Variants in SMIM35 observed in about 807,000 individuals in gnomAD.
SMIM35 encodes small integral membrane protein 35, also known as TMPRSS4 antisense RNA 1 (non-protein coding).
intron 1 of SMIM35, among the ~76,000 whole-genome samples, chr11:118,018,684 C>G (rs185876620): frequency 1.0e-3 from 157 of 152,286 alleles, no homozygotes; most frequent in Non-Finnish European, 1.9e-3. Context: ...AGGGAAATCA[C>G]AGGCCTTCCA....
At position 118,026,013 on chromosome 11, in the gene SMIM35, T is replaced by A. The variant is rs117316406; in HGVS notation, c.8-10204A>T. On this transcript the variant is annotated intron_variant, in intron 1 of 4. Coordinates refer to ENST00000689828, the MANE Select transcript of SMIM35 (RefSeq NM_001394165.1). ...TCCAGTTTCAATCTTCTGCATAGGGTTAGCCAGCTATCCCAGCACCATTTT... is the reference window on the plus strand; with the variant it reads ...TCCAGTTTCAATCTTCTGCATAGGGATAGCCAGCTATCCCAGCACCATTTT... Among the ~76,000 whole-genome samples the A allele has an allele frequency of 4.3e-4, 66 of 152,300 alleles. No homozygotes were observed. The East Asian group carries it at 0.012, about 27-fold the overall frequency.
At chr11:118,053,163 C>T (rs917542723) in intron 1 of SMIM35, among the ~76,000 whole-genome samples, 3 of 152,142 alleles carry the variant, frequency 2.0e-5, no homozygotes, top group Non-Finnish European at 2.9e-5. Context: ...AAAATTTAGC[C>T]AGGCGTGTTG....
At chr11:118,017,809 T>C (rs1205268142) in intron 1 of SMIM35, among the ~76,000 whole-genome samples, 1 of 150,564 alleles carries the variant, frequency 6.6e-6, no homozygotes, top group Non-Finnish European at 1.5e-5. Flanking sequence ...CACGTCCTTC[T>C]TCACATGACG....
chr11:118,044,372 G>T (rs963762557), intron 1 of SMIM35, among the ~76,000 whole-genome samples: 31 of 150,350 alleles, frequency 2.1e-4, no homozygotes, highest in Middle Eastern at 3.5e-3. Context: ...TGAAGGTAAT[G>T]GTGGCATTAT....
intron 1 of SMIM35, among the ~76,000 whole-genome samples, chr11:118,045,777 T>C (rs1048873640): frequency 1.3e-5 from 2 of 152,200 alleles, no homozygotes; most frequent in Non-Finnish European, 2.9e-5. Context: ...CCCAGTATAA[T>C]GAATGAACAG....
chr11:118,083,911 G>A (rs575270990), intron 1 of SMIM35, among the ~76,000 whole-genome samples: 2 of 152,152 alleles, frequency 1.3e-5, no homozygotes, highest in East Asian at 1.9e-4. Context: ...GGTGGCAGAC[G>A]CCTGTAATCC....
chr11:118,079,441 G>A (rs1475405955), intron 1 of SMIM35, among the ~76,000 whole-genome samples: 1 of 152,126 alleles, frequency 6.6e-6, no homozygotes, highest in African/African-American at 2.4e-5. Context: ...GCTGGAGCAG[G>A]GACTCAGGCC....
chr11:118,052,741 C>G (rs2135105109), intron 1 of SMIM35, among the ~76,000 whole-genome samples: 1 of 152,172 alleles, frequency 6.6e-6, no homozygotes, highest in East Asian at 1.9e-4. Context: ...ATAATGTGCC[C>G]CTGCCTGCCT....
chr11:118,058,936 A>G (rs1175921524), intron 1 of SMIM35, among the ~76,000 whole-genome samples: 1 of 152,252 alleles, frequency 6.6e-6, no homozygotes, highest in Non-Finnish European at 1.5e-5. Context: ...CAAGAGGGGC[A>G]AGCGACAAAT....
chr11:118,066,703 A>C (rs1207939510), intron 1 of SMIM35, among the ~76,000 whole-genome samples: 1 of 152,130 alleles, frequency 6.6e-6, no homozygotes, highest in East Asian at 1.9e-4. Context: ...GCATGGTGGC[A>C]TGCCTGAGTC....
At chr11:118,076,391 G>A (rs1222395288) in intron 1 of SMIM35, among the ~76,000 whole-genome samples, 8 of 152,284 alleles carry the variant, frequency 5.3e-5, no homozygotes, top group South Asian at 2.1e-4. Flanking sequence ...AGGTTGCAGT[G>A]AGCTGAGATT....
At chr11:118,048,463 A>T (rs959905696) in intron 1 of SMIM35, among the ~76,000 whole-genome samples, 52 of 152,084 alleles carry the variant, frequency 3.4e-4, no homozygotes, top group African/African-American at 1.2e-3. Context: ...CAGCGAGCCT[A>T]GATTGCGCCA....
chr11:118,058,622 T>C (rs1464375471), intron 1 of SMIM35, among the ~76,000 whole-genome samples: 3 of 152,170 alleles, frequency 2.0e-5, no homozygotes, highest in African/African-American at 7.2e-5. Flanking sequence ...CTCAGGGAAC[T>C]CAGGGCAGGT....
At chr11:118,057,499 G>C (rs576256712) in intron 1 of SMIM35, among the ~76,000 whole-genome samples, 1 of 152,244 alleles carries the variant, frequency 6.6e-6, no homozygotes, top group African/African-American at 2.4e-5. Context: ...CTGGGGGTGG[G>C]AGACTCCGCT....
At chr11:118,018,868 T>A (rs897159292) in intron 1 of SMIM35, among the ~76,000 whole-genome samples, 1 of 152,220 alleles carries the variant, frequency 6.6e-6, no homozygotes, top group Non-Finnish European at 1.5e-5. Context: ...TTAATACTTT[T>A]AAATTTTTAT....
chr11:118,030,348 A>G (rs929920544), intron 1 of SMIM35, among the ~76,000 whole-genome samples: 2 of 152,152 alleles, frequency 1.3e-5, no homozygotes, highest in African/African-American at 4.8e-5. Context: ...AACATAATTT[A>G]TGTTGGGCTC....
In SMIM35 at chr11:118,034,956, A is replaced by ATT. The variant is rs377179849; in HGVS notation, c.8-19149_8-19148dup. Among the ~76,000 whole-genome samples, 115 of 141,936 alleles carry ATT rather than the reference A, an allele frequency of 8.1e-4. 1 individual carries two copies. Among genetic ancestry groups the ATT allele is most frequent in the Admixed American group, 2.6e-3 (37 of 14,180 alleles). 93.1% of individuals were successfully genotyped at this position (141,936 alleles called of 152,430 possible). ...TAAGTGGTGAGGAGTTTCCTTCTGA[A>ATT]TTTTTTTTTTTTTTTGACAGAGTTT... On this transcript the variant is annotated intron_variant, in intron 1 of 4. Transcript: ENST00000689828.
rs532783192 is a variant in SMIM35 at position 118,005,930 on chromosome 11, G to C, written c.*480C>G. On this transcript the variant is annotated 3_prime_UTR_variant, in exon 5 of 5. Coordinates refer to ENST00000689828, the MANE Select transcript of SMIM35 (RefSeq NM_001394165.1). ...GGCACTGCAGACGAGACTTTGTCAG[G>C]CCAGGAGGACGGGAGGCACCGACTG... 6.6e-6 allele frequency: 1 copy of C among 152,608 alleles called. No homozygotes were observed. The highest frequency in any genetic ancestry group is 2.1e-4 in the South Asian group (1 of 4,834). 9.5% of individuals were successfully genotyped at this position (152,608 alleles called of 1,614,324 possible).
intron 1 of SMIM35, among the ~76,000 whole-genome samples, chr11:118,035,710 G>A (rs1402140269): frequency 6.6e-6 from 1 of 152,150 alleles, no homozygotes; most frequent in Admixed American, 6.5e-5. Flanking sequence ...CCCTGCTCAC[G>A]TGTTGTCACA....
Sources: gnomAD v4.1 joint callset for allele counts (sites outside exome capture counted in the v4.1 genomes callset) on GRCh38, gnomAD v4.1.1 for gene constraint, MANE v1.5 for transcripts, NCBI Gene and HGNC (gene_info 2026-07-23, HGNC 2026-07-21) for gene names.